PRDM5: variants seen among roughly 807,000 people sequenced by gnomAD.
PRDM5 encodes the protein PR/SET domain 5.
A neutral mutation model predicts 81.2 loss-of-function variants in PRDM5; 56 were observed. That is an observed-to-expected ratio of 0.69 (90% CI 0.56 to 0.86). PRDM5 has a LOEUF of 0.86. Ranked by LOEUF, PRDM5 falls within the 40% of genes least tolerant of loss-of-function variation. PRDM5 has a pLI of 0.00. For missense variants in PRDM5, 697 were observed against 770.1 expected (o/e 0.91, Z 1.12); for synonymous variants, 267 against 256.4 (o/e 1.04, Z -0.39).
downstream of PRDM5, among the ~76,000 whole-genome samples, chr4:120,690,742 T>A (rs1734010601): frequency 6.6e-6 from 1 of 152,164 alleles, no homozygotes; most frequent in South Asian, 2.1e-4. Context: ...ATTTTTTGAA[T>A]TTTTTAAGTG....
At chr4:120,814,438 C>T (rs1431887717) in intron 7 of PRDM5, among the ~76,000 whole-genome samples, 1 of 152,182 alleles carries the variant, frequency 6.6e-6, no homozygotes, top group Non-Finnish European at 1.5e-5. Context: ...GTACTGAATA[C>T]ACAATCACTT....
intron 15 of PRDM5, among the ~76,000 whole-genome samples, chr4:120,704,826 T>A (rs1291136414): frequency 1.3e-5 from 2 of 151,864 alleles, no homozygotes; most frequent in Non-Finnish European, 2.9e-5. Context: ...AGCGGGGGAA[T>A]GATATGACAG....
At chr4:120,741,282 G>A (rs1741895988) in intron 14 of PRDM5, among the ~76,000 whole-genome samples, 1 of 152,042 alleles carries the variant, frequency 6.6e-6, no homozygotes, top group East Asian at 1.9e-4. Context: ...GCATACAGCA[G>A]CCCTCACTCC....
chr4:120,909,851 T>A (rs1027810841), intron 1 of PRDM5, among the ~76,000 whole-genome samples: 2 of 151,986 alleles, frequency 1.3e-5, no homozygotes, highest in Non-Finnish European at 2.9e-5. Flanking sequence ...CTCTCTATCA[T>A]AAACTCAAAC....
intron 14 of PRDM5, among the ~76,000 whole-genome samples, chr4:120,711,627 C>A (rs1305058564): frequency 6.6e-6 from 1 of 152,000 alleles, no homozygotes; most frequent in East Asian, 1.9e-4. Context: ...TCTATTACCT[C>A]ATCTTTTTCC....
At chr4:120,896,811 G>A (rs1183578113) in intron 2 of PRDM5, among the ~76,000 whole-genome samples, 2 of 151,928 alleles carry the variant, frequency 1.3e-5, no homozygotes, top group East Asian at 3.9e-4. Context: ...AGCCTCCCGA[G>A]TAGCTGGGAC....
chr4:120,921,261 T>A (rs1724875672), intron 1 of PRDM5, among the ~76,000 whole-genome samples: 1 of 152,246 alleles, frequency 6.6e-6, no homozygotes, highest in Admixed American at 6.5e-5. Flanking sequence ...GTATTTGGCC[T>A]TCAAAAAATG....
rs192991335 is a variant in PRDM5, at chr4:120,795,757, A to G, written c.1188+2510T>C. 5.2e-3 allele frequency among the ~76,000 whole-genome samples: 786 copies of G among 152,226 alleles called. 12 individuals carry two copies. Among genetic ancestry groups the G allele is most frequent in the African/African-American group, 0.018 (761 of 41,546 alleles). ...GTGAAACCCTGTCTCTATTAAAAAT[A>G]CAAAAATTAGCCAGGCATGGTGGCA... On this transcript the variant is annotated intron_variant, in intron 10 of 15. Coordinates refer to ENST00000264808, the MANE Select transcript of PRDM5 (RefSeq NM_018699.4).
At chr4:120,820,467 C>T (rs947984485) in intron 4 of PRDM5, among the ~76,000 whole-genome samples, 1 of 152,194 alleles carries the variant, frequency 6.6e-6, no homozygotes, top group Non-Finnish European at 1.5e-5. Flanking sequence ...ATTCATATAT[C>T]CCTTAAATTT....
rs966601555 is a variant in PRDM5, at chr4:120,747,010, A to G, written c.1623+7543T>C. ...GTATGTTTATTGCAGCATTATTCAC[A>G]ATAGCAAAGACTTGGAACCAACCCA... On this transcript the variant is annotated intron_variant, in intron 14 of 15. Coordinates refer to ENST00000264808, the MANE Select transcript of PRDM5 (RefSeq NM_018699.4). 4.7e-4 allele frequency among the ~76,000 whole-genome samples: 70 copies of G among 149,074 alleles called. No homozygotes were observed. In the South Asian group the frequency reaches 4.7e-3, roughly 10 times the overall value.
At chr4:120,832,202 G>C (rs576522165) in intron 3 of PRDM5, among the ~76,000 whole-genome samples, 2 of 152,200 alleles carry the variant, frequency 1.3e-5, no homozygotes, top group East Asian at 3.9e-4. Context: ...GGCTGGGGAG[G>C]CCTCAGGAAA....
rs4833683 is a variant in PRDM5, at chr4:120,824,697, C to T, written c.301-3352G>A. ...GTTTTTTGGCTCATTACTTCTACTG[C>T]ACAGTGTTTGTAATATCAAAAAGTC... On this transcript the variant is annotated intron_variant, in intron 3 of 15. Coordinates refer to ENST00000264808, the MANE Select transcript of PRDM5 (RefSeq NM_018699.4). Among the ~76,000 whole-genome samples the T allele has an allele frequency of 9.3e-3, 1,416 of 151,850 alleles. 22 individuals carry two copies. Among genetic ancestry groups the T allele is most frequent in the Admixed American group, 0.014 (211 of 15,240 alleles).
chr4:120,796,097 T>C (rs1386377954), intron 10 of PRDM5, among the ~76,000 whole-genome samples: 4 of 152,140 alleles, frequency 2.6e-5, no homozygotes, highest in Non-Finnish European at 5.9e-5. Context: ...CCCTTGAGCA[T>C]ACTAAAAGAT....
intron 10 of PRDM5, among the ~76,000 whole-genome samples, chr4:120,792,445 G>A (rs1750714150): frequency 6.6e-6 from 1 of 152,088 alleles, no homozygotes; most frequent in African/African-American, 2.4e-5. Flanking sequence ...AAGAACTATT[G>A]GAACCCCTGT....
At chr4:120,850,664 A>G (rs1229265107) in intron 3 of PRDM5, among the ~76,000 whole-genome samples, 1 of 152,150 alleles carries the variant, frequency 6.6e-6, no homozygotes, top group Non-Finnish European at 1.5e-5. Context: ...TACTTAGATT[A>G]TAATTCAAGA....
Position 120,816,906 on chromosome 4 carries a change from C to T in PRDM5, c.669G>A (p.Ala223=), listed in dbSNP as rs754555498. 9 of 1,612,804 alleles carry T rather than the reference C, an allele frequency of 5.6e-6. No homozygotes were observed. The highest frequency in any genetic ancestry group is 1.7e-5 in the Admixed American group (1 of 59,986). ...ALQRHVLQCT[A]KSSLKESSRS... is the part of the protein sequence containing the mutation. ...GCGAAGACTCCTTTAGACTGCTTTT[C>T]GCTGTGCACTGAAGAACACTAAAGG... The change falls in exon 6 of 16, where the codon GCG becomes GCA. Residue 223 remains alanine, a synonymous_variant. Transcript: ENST00000264808.
rs144753765 is a variant in PRDM5, at chr4:120,871,194, TTTG to T, written c.178-17657_178-17655del. 1.1e-4 allele frequency among the ~76,000 whole-genome samples: 17 copies of T among 152,188 alleles called. No individual in the cohort carries two copies. In the South Asian group the frequency reaches 1.9e-3, roughly 17 times the overall value. ...ACTTCTCTCTAGTTCCACATAATGT[TTTG>T]TTGTTGTTGTTGTTGTTCTGTCATC... is the stretch of plus-strand genomic sequence containing the variant. On this transcript the variant is annotated intron_variant, in intron 2 of 15. Coordinates refer to ENST00000264808, the MANE Select transcript of PRDM5 (RefSeq NM_018699.4).
At chr4:120,819,113 A>G (rs1315392110) in intron 4 of PRDM5, among the ~76,000 whole-genome samples, 1 of 152,238 alleles carries the variant, frequency 6.6e-6, no homozygotes. Context: ...GCAGAAAATA[A>G]AAAACACCAA....
At chr4:120,728,352 T>C (rs1348742646) in intron 14 of PRDM5, among the ~76,000 whole-genome samples, 1 of 152,108 alleles carries the variant, frequency 6.6e-6, no homozygotes, top group Non-Finnish European at 1.5e-5. Context: ...ATTTGGGAAA[T>C]TGTTCCCACT....
Sources: gnomAD v4.1 joint callset for allele counts (sites outside exome capture counted in the v4.1 genomes callset) on GRCh38, gnomAD v4.1.1 for gene constraint, MANE v1.5 for transcripts, NCBI Gene and HGNC (gene_info 2026-07-23, HGNC 2026-07-21) for gene names.